UTS2B: variants seen among roughly 807,000 people sequenced by gnomAD.
UTS2B encodes urotensin-2B.
Under a neutral mutation model 19.2 loss-of-function variants are expected in UTS2B, and 21 were observed. The ratio of observed to expected loss-of-function variants is 1.09; its 90% CI spans 0.78 to 1.58. UTS2B has a LOEUF of 1.58. Ranked by LOEUF, UTS2B falls within the 40% of genes most tolerant of loss-of-function variation. The pLI is 0.00. For missense variants in UTS2B, 138 were observed against 130.3 expected (o/e 1.06, Z -0.29); for synonymous variants, 57 against 50.2 (o/e 1.14, Z -0.58).
At chr3:191,275,910 A>T (rs1372296046) in intron 7 of UTS2B, among the ~76,000 whole-genome samples, 2 of 152,178 alleles carry the variant, frequency 1.3e-5, no homozygotes, top group Non-Finnish European at 2.9e-5. Context: ...ATCAGAAAGA[A>T]ACAGGTTTTG....
At chr3:191,322,019 C>A (rs1412328763) in intron 2 of UTS2B, among the ~76,000 whole-genome samples, 1 of 151,324 alleles carries the variant, frequency 6.6e-6, no homozygotes, top group Non-Finnish European at 1.5e-5. Context: ...AAGAGAAAAA[C>A]TCCATCGGAA....
intron 2 of UTS2B, among the ~76,000 whole-genome samples, chr3:191,327,270 C>T (rs376004124): frequency 1.2e-4 from 19 of 152,172 alleles, no homozygotes; most frequent in African/African-American, 4.1e-4. Context: ...CCGAGGTGGG[C>T]GGATCACTTG....
At chr3:191,344,841 A>G in the UTS2B span, among the ~76,000 whole-genome samples, 13,000 of 152,218 alleles carry the variant, frequency 0.085, 685 homozygotes, top group East Asian at 0.24. Context: ...GGCATCCCAA[A>G]GTGCTGGGAT....
chr3:191,338,238 A>C, the UTS2B span, among the ~76,000 whole-genome samples: 1 of 152,204 alleles, frequency 6.6e-6, no homozygotes, highest in African/African-American at 2.4e-5. Flanking sequence ...ATATTCACTA[A>C]TTTTTGAGTA....
At position 191,301,483 on chromosome 3, in the gene UTS2B, ATTTTTTTT is replaced by A. The variant is rs750203551; in HGVS notation, c.-125+3001_-125+3008del. On this transcript the variant is annotated intron_variant, in intron 4 of 8. Coordinates refer to ENST00000340524, the MANE Select transcript of UTS2B (RefSeq NM_198152.5). ...TGTTTTATTAACTAAATTTTTGGTA[ATTTTTTTT>A]TTTTTTTTTTTTTGAGATGGAGTCT... Among the ~76,000 whole-genome samples the A allele has an allele frequency of 1.1e-4, 12 of 113,834 alleles. 1 individual carries two copies. The highest frequency in any genetic ancestry group is 4.1e-4 in the African/African-American group (12 of 29,210). 74.7% of individuals were successfully genotyped at this position (113,834 alleles called of 152,430 possible). A position where few individuals can be genotyped will look rare whatever the true frequency, so the allele number is the denominator to read the frequency against.
At position 191,294,048 on chromosome 3, in the gene UTS2B, C is replaced by T. The variant is rs577090024; in HGVS notation, c.-125+10444G>A. ...GCTTGAACCTGGGAGGGGGAGGTTG[C>T]GGTGAGCCAAGATCGCGCCATTGCA... On this transcript the variant is annotated intron_variant, in intron 4 of 8. Transcript: ENST00000340524. 6.6e-5 allele frequency among the ~76,000 whole-genome samples: 10 copies of T among 151,676 alleles called. No homozygotes were observed. The South Asian group carries it at 1.2e-3, about 19-fold the overall frequency.
chr3:191,276,954 G>A, intron 6 of UTS2B, 110 bp from the exon 7 acceptor site: 2 of 893,812 alleles, frequency 2.2e-6, no homozygotes, highest in Non-Finnish European at 3.4e-6. Context: ...TTTTTCATAT[G>A]ATTTGACATC....
At position 191,282,082 on chromosome 3, in the gene UTS2B, C is replaced by T. The variant is rs373873912; in HGVS notation, c.103+5G>A. 5.0e-6 allele frequency: 8 copies of T among 1,596,242 alleles called. No homozygotes were observed. The African/African-American group carries it at 6.7e-5, about 13-fold the overall frequency. On this transcript the variant is annotated splice_donor_5th_base_variant and intron_variant, in intron 5 of 8. Transcript: ENST00000340524. ...CTGTAGGATTTTTAATTGATATGCA[C>T]GTACCTTGGGTAAGATATGGTCGTC...
chr3:191,307,826 C>T (rs376924921), intron 3 of UTS2B, among the ~76,000 whole-genome samples: 3 of 88,264 alleles, frequency 3.4e-5, no homozygotes, highest in Admixed American at 2.6e-4. Context: ...CTTTTCTTTT[C>T]GTTTTCTTCT....
intron 4 of UTS2B, among the ~76,000 whole-genome samples, chr3:191,290,514 C>T (rs1346417813): frequency 2.6e-5 from 4 of 152,108 alleles, no homozygotes; most frequent in African/African-American, 9.7e-5. Flanking sequence ...AAAGTGAAAC[C>T]CAGATCTACC....
intron 8 of UTS2B, among the ~76,000 whole-genome samples, chr3:191,269,232 G>A (rs1311951231): frequency 6.6e-6 from 1 of 152,170 alleles, no homozygotes; most frequent in African/African-American, 2.4e-5. Flanking sequence ...GTGAAAAAGA[G>A]TTGAAAAACA....
chr3:191,343,993 A>G, the UTS2B span, among the ~76,000 whole-genome samples: 1 of 152,238 alleles, frequency 6.6e-6, no homozygotes, highest in Non-Finnish European at 1.5e-5. Flanking sequence ...TAGCAAAACT[A>G]TCACATTAGG....
chr3:191,315,550 T>C (rs1161177074), intron 3 of UTS2B, among the ~76,000 whole-genome samples: 2 of 152,192 alleles, frequency 1.3e-5, no homozygotes, highest in Non-Finnish European at 2.9e-5. Context: ...TGTTGCATGA[T>C]GTATAAAGAA....
intron 4 of UTS2B, among the ~76,000 whole-genome samples, chr3:191,292,878 G>T (rs1472189442): frequency 6.6e-6 from 1 of 151,884 alleles, no homozygotes; most frequent in African/African-American, 2.4e-5. Flanking sequence ...ATTACATTTT[G>T]TCAAATGCCT....
chr3:191,273,399 T>C (rs1421496354), intron 8 of UTS2B: 5 of 446,098 alleles, frequency 1.1e-5, no homozygotes, highest in African/African-American at 2.0e-5. Flanking sequence ...CCTTGCCATA[T>C]GTTGGTGGTA....
chr3:191,288,002 C>T (rs1366173804), intron 4 of UTS2B, among the ~76,000 whole-genome samples: 1 of 152,024 alleles, frequency 6.6e-6, no homozygotes, highest in Non-Finnish European at 1.5e-5. Flanking sequence ...CTGACAATGA[C>T]CTACCCAAAA....
intron 8 of UTS2B, among the ~76,000 whole-genome samples, chr3:191,274,996 T>A (rs1298186709): frequency 6.6e-6 from 1 of 152,188 alleles, no homozygotes; most frequent in African/African-American, 2.4e-5. Flanking sequence ...ATAGCAAGAG[T>A]AAGCCAGAGT....
At chr3:191,308,355 C>T (rs1254032497) in intron 3 of UTS2B, among the ~76,000 whole-genome samples, 3 of 152,156 alleles carry the variant, frequency 2.0e-5, no homozygotes, top group Non-Finnish European at 4.4e-5. Flanking sequence ...ACGGGAGCCA[C>T]ATTCAAAACA....
intron 3 of UTS2B, among the ~76,000 whole-genome samples, chr3:191,305,938 T>C (rs1467038510): frequency 1.3e-5 from 2 of 152,192 alleles, no homozygotes; most frequent in Admixed American, 1.3e-4. Flanking sequence ...CCGTTGCTTT[T>C]TTTTGGGGGG....
Sources: allele counts gnomAD v4.1 joint callset (sites outside exome capture counted in the v4.1 genomes callset), GRCh38; gene constraint gnomAD v4.1.1; transcripts MANE v1.5; gene names NCBI Gene and HGNC (gene_info 2026-07-23, HGNC 2026-07-21).